The following KLHL29 variants were observed in gnomAD, a reference collection of about 807,000 sequenced individuals.
The protein encoded by KLHL29 is kelch like family member 29.
KLHL29 carries 21 observed loss-of-function variants against 80.4 expected under a neutral mutation model. The ratio of observed to expected loss-of-function variants is 0.26; its 90% CI spans 0.19 to 0.38. The LOEUF (loss-of-function observed/expected upper bound fraction) is 0.38, where lower values mean the gene tolerates loss of function less well. Among genes scored for constraint, KLHL29 ranks in the 10% least tolerant of loss-of-function variants. The probability of loss-of-function intolerance (pLI) is 1.00; values close to 1 mark genes in which losing one functional copy is unlikely to be tolerated. For missense variants in KLHL29, 867 were observed against 1,223.9 expected, an observed-to-expected ratio of 0.71 and a Z score of 4.35; for synonymous variants, 511 against 526.8, an observed-to-expected ratio of 0.97 and a Z score of 0.41.
chr2:23,536,907 C>CAT (rs1666680147), intron 2 of KLHL29, among the ~76,000 whole-genome samples: 1 of 90,644 alleles, frequency 1.1e-5, no homozygotes, highest in Non-Finnish European at 2.1e-5. Context: ...CACACACACA[C>CAT]ACACACACAC....
chr2:23,693,598 G>A, intron 8 of KLHL29, 70 bp downstream of exon 8: 2 of 1,462,656 alleles, frequency 1.4e-6, no homozygotes, highest in East Asian at 2.5e-5. Flanking sequence ...GGGGTCTGCA[G>A]CAAGGAGGAA....
intron 1 of KLHL29, among the ~76,000 whole-genome samples, chr2:23,473,274 T>C (rs1356275438): frequency 1.3e-5 from 2 of 151,812 alleles, no homozygotes; most frequent in African/African-American, 4.8e-5. Flanking sequence ...GTCCAAAACA[T>C]GAGGGATGCT....
rs547493184 is a variant in KLHL29, at chr2:23,520,998, C to G, written c.-45-41154C>G. On this transcript the variant is annotated intron_variant, in intron 2 of 13. Coordinates refer to ENST00000486442, the MANE Select transcript of KLHL29 (RefSeq NM_052920.2). The stretch of plus-strand genomic sequence containing the variant: ...CTTTCATTTTACAAAGACCACCCCC[C>G]CCCCCGCTCCCCCTCAGGGGTGTTT... Among the ~76,000 whole-genome samples, 22 of 151,606 alleles carry G rather than the reference C, an allele frequency of 1.5e-4. 1 individual carries two copies. The South Asian group carries it at 1.7e-3, about 11-fold the overall frequency.
rs576391454 is a variant in KLHL29 at position 23,638,754 on chromosome 2, AT to A, written c.286-384del. Among the ~76,000 whole-genome samples the A allele has an allele frequency of 6.7e-3, 1,022 of 152,352 alleles. 12 individuals are homozygous for A. The highest frequency in any genetic ancestry group is 0.022 in the African/African-American group (920 of 41,582). The stretch of plus-strand genomic sequence containing the variant: ...ACAGTCAGTACTCAGCACATGCCCG[AT>A]AAGTTGGTAGCATCTGTGTGGTTGT... On this transcript the variant is annotated intron_variant, in intron 3 of 13. Transcript: ENST00000486442.
intron 1 of KLHL29, among the ~76,000 whole-genome samples, chr2:23,466,379 C>T (rs915267819): frequency 1.1e-4 from 16 of 152,116 alleles, no homozygotes; most frequent in Admixed American, 7.2e-4. Flanking sequence ...TGCGTTAAAG[C>T]GAAGTACAAT....
chr2:23,612,073 A>G (rs1668885555), intron 3 of KLHL29, among the ~76,000 whole-genome samples: 1 of 152,228 alleles, frequency 6.6e-6, no homozygotes, highest in Non-Finnish European at 1.5e-5. Context: ...GTCAGAAGCA[A>G]TATTTCAAGA....
intron 5 of KLHL29, 59 bp downstream of exon 5, chr2:23,642,909 C>A: frequency 6.5e-7 from 1 of 1,531,764 alleles, no homozygotes; most frequent in South Asian, 1.2e-5. Context: ...CCTGCGCGGT[C>A]ACTGCAACAC....
intron 3 of KLHL29, among the ~76,000 whole-genome samples, chr2:23,591,037 TGAGAAATAAAGCAGGAAAAGAAGTCC>T (rs1668246546): frequency 6.6e-6 from 1 of 151,876 alleles, no homozygotes; most frequent in Non-Finnish European, 1.5e-5. Flanking sequence ...AAAAGAAGTC[TGAGAAATAAAGCAGGAAAAGAAGTCC>T]GAGAGCGCCA....
intron 2 of KLHL29, among the ~76,000 whole-genome samples, chr2:23,541,257 G>T (rs1204235681): frequency 6.6e-6 from 1 of 152,234 alleles, no homozygotes; most frequent in East Asian, 1.9e-4. Flanking sequence ...GGATGCATGG[G>T]TGGATGCACG....
chr2:23,442,549 A>G (rs1663558740), intron 1 of KLHL29, among the ~76,000 whole-genome samples: 2 of 152,330 alleles, frequency 1.3e-5, no homozygotes, highest in South Asian at 4.1e-4. Flanking sequence ...AGAGCCCAGA[A>G]AAGGCAAGAA....
At position 23,528,929 on chromosome 2, in the gene KLHL29, AG is replaced by A. The variant is rs749201572; in HGVS notation, c.-45-33219del. On this transcript the variant is annotated intron_variant, in intron 2 of 13. Coordinates refer to ENST00000486442, the MANE Select transcript of KLHL29 (RefSeq NM_052920.2). The stretch of plus-strand genomic sequence containing the variant: ...ACCGAGTCTGCAAGTTGGCTGGGGT[AG>A]GGGTGCCCCTTGGGCCTTGGGAGTG... Among the ~76,000 whole-genome samples the A allele has an allele frequency of 2.0e-3, 309 of 152,298 alleles. 2 individuals carry two copies. The highest frequency in any genetic ancestry group is 2.2e-3 in the Non-Finnish European group (149 of 68,026).
chr2:23,396,837 G>A (rs1411261787), intron 1 of KLHL29, among the ~76,000 whole-genome samples: 5 of 152,216 alleles, frequency 3.3e-5, no homozygotes, highest in African/African-American at 1.2e-4. Context: ...TTCATATGAT[G>A]TGGGGAAACT....
intron 3 of KLHL29, among the ~76,000 whole-genome samples, chr2:23,586,362 CTTTTT>C (rs778067234): frequency 1.0e-5 from 1 of 96,990 alleles, no homozygotes; most frequent in African/African-American, 4.4e-5. Context: ...AAAAGCATTA[CTTTTT>C]TTTTTTTTTT....
At chr2:23,526,702 T>C (rs989847680) in intron 2 of KLHL29, among the ~76,000 whole-genome samples, 2 of 152,142 alleles carry the variant, frequency 1.3e-5, no homozygotes, top group African/African-American at 4.8e-5. Flanking sequence ...CACAAGTCTC[T>C]AGCGTGGGGT....
chr2:23,642,767 C>T lies in KLHL29; in HGVS notation c.857C>T (p.Thr286Ile). Residue 286 changes from threonine (T) to isoleucine (I), a missense_variant, in exon 5 of 14, where the codon ACA (threonine) becomes ATA (isoleucine). By Grantham distance (89) the Thr-to-Ile change is moderately conservative. This residue lies in a region of KLHL29 where 424 missense variants were observed against 456.9 expected (regional missense o/e 0.93). Coordinates refer to ENST00000486442, the MANE Select transcript of KLHL29 (RefSeq NM_052920.2). Reference sequence around the variant, plus strand: ...GCCCCTGCCACCAATGGGCCCCCCACAACCGACTCGGCCCACGGGCTGCAG... The same window carrying T: ...GCCCCTGCCACCAATGGGCCCCCCATAACCGACTCGGCCCACGGGCTGCAG... ...SGAPATNGPP[T>I]TDSAHGLQML... 6.4e-7 allele frequency: 1 copy of T among 1,550,422 alleles called. No individual in the cohort carries two copies. The highest frequency in any genetic ancestry group is 8.7e-7 in the Non-Finnish European group (1 of 1,146,886).
chr2:23,409,163 C>G (rs1420641377), intron 1 of KLHL29, among the ~76,000 whole-genome samples: 1 of 152,130 alleles, frequency 6.6e-6, no homozygotes, highest in Non-Finnish European at 1.5e-5. Flanking sequence ...CATTGGTGAT[C>G]CCTGAAGGAC....
At position 23,706,404 on chromosome 2, in the gene KLHL29, ACACGAC is replaced by A. The variant is rs1271264610; in HGVS notation, c.2445-76_2445-71del. 1.9e-4 allele frequency: 226 copies of A among 1,184,154 alleles called. No homozygotes were observed. The African/African-American group carries it at 3.3e-3, about 17-fold the overall frequency. 73.4% of individuals were successfully genotyped at this position (1,184,154 alleles called of 1,614,324 possible). A position where few individuals can be genotyped will look rare whatever the true frequency, so the allele number is the denominator to read the frequency against. On this transcript the variant is annotated intron_variant, in intron 13 of 13. Coordinates refer to ENST00000486442, the MANE Select transcript of KLHL29 (RefSeq NM_052920.2). Reference sequence around the variant, plus strand: ...AAAGGCACAGGCAGCCTACAACAGGACACGACGTTGAGAACCTATCTCCAGGGCCAA... The same window carrying A: ...AAAGGCACAGGCAGCCTACAACAGGAGTTGAGAACCTATCTCCAGGGCCAA...
intron 1 of KLHL29, among the ~76,000 whole-genome samples, chr2:23,440,982 T>C (rs1055651264): frequency 2.6e-5 from 4 of 152,216 alleles, no homozygotes; most frequent in African/African-American, 9.6e-5. Flanking sequence ...TTACTGGGTA[T>C]ATACCCAAAG....
At chr2:23,518,638 C>T (rs574129771) in intron 2 of KLHL29, among the ~76,000 whole-genome samples, 5 of 152,156 alleles carry the variant, frequency 3.3e-5, no homozygotes, top group East Asian at 1.9e-4. Context: ...GGCCAGTACC[C>T]AGGACACCTG....
Sources: gnomAD v4.1 joint callset for allele counts (sites outside exome capture counted in the v4.1 genomes callset) on GRCh38, gnomAD v4.1.1 for gene constraint, gnomAD v4.1.1 regional missense constraint, MANE v1.5 for transcripts, NCBI Gene and HGNC (gene_info 2026-07-23, HGNC 2026-07-21) for gene names.